Variants in MTA3 observed in about 807,000 individuals in gnomAD.
MTA3 encodes metastasis associated 1 family member 3, also known as metastasis-associated protein MTA3.
A neutral mutation model predicts 83.5 loss-of-function variants in MTA3; 34 were observed. That is an observed-to-expected ratio of 0.41 (90% CI 0.31 to 0.54). The LOEUF is 0.54. MTA3 is among the 20% of genes least tolerant of loss of function. MTA3 has a pLI of 0.33. For missense variants in MTA3, 761 were observed against 726.4 expected, an observed-to-expected ratio of 1.05 and a Z score of -0.55; for synonymous variants, 303 against 252.7, an observed-to-expected ratio of 1.20 and a Z score of -1.89.
intron 2 of MTA3, among the ~76,000 whole-genome samples, chr2:42,526,930 T>G (rs12712848): frequency 0.34 from 51,688 of 151,184 alleles, 8,876 homozygotes; most frequent in South Asian, 0.4. Flanking sequence ...GATGCTTGCC[T>G]GTAGTCCCAG....
At chr2:42,563,835 T>TTCCTTC (rs1677781461), upstream of MTA3, among the ~76,000 whole-genome samples, 3 of 87,272 alleles carry the variant, frequency 3.4e-5, no homozygotes, top group African/African-American at 9.1e-5. Context: ...TTCCTTCCTT[T>TTCCTTC]CTTTTTTGAT....
At chr2:42,588,090 AGT>A (rs553207190) in intron 3 of MTA3, among the ~76,000 whole-genome samples, 245 of 152,308 alleles carry the variant, frequency 1.6e-3, no homozygotes, top group Non-Finnish European at 2.7e-3. Context: ...TAAAACTAAA[AGT>A]GTGACATTTT....
intron 2 of MTA3, among the ~76,000 whole-genome samples, chr2:42,531,815 GGCA>G (rs1240566477): frequency 6.6e-6 from 1 of 150,798 alleles, no homozygotes; most frequent in Non-Finnish European, 1.5e-5. Context: ...GGAGTGCAGT[GGCA>G]CAATCTCGGC....
At chr2:42,734,673 G>T (rs1668486558) in intron 16 of MTA3, among the ~76,000 whole-genome samples, 1 of 151,540 alleles carries the variant, frequency 6.6e-6, no homozygotes, top group African/African-American at 2.4e-5. Flanking sequence ...TTTCTCTGGT[G>T]TTATGTTTTA....
At chr2:42,687,027 T>C (rs1692437384) in intron 9 of MTA3, among the ~76,000 whole-genome samples, 1 of 151,678 alleles carries the variant, frequency 6.6e-6, no homozygotes, top group Non-Finnish European at 1.5e-5. Flanking sequence ...CTCAGGAGGC[T>C]GAGGCATGAG....
chr2:42,739,658 G>A (rs985035292), intron 16 of MTA3, among the ~76,000 whole-genome samples: 2 of 152,278 alleles, frequency 1.3e-5, no homozygotes, highest in South Asian at 2.1e-4. Context: ...TCTTTGTGGC[G>A]TGTGATGCTC....
At chr2:42,501,499 A>G (rs899889630) in intron 2 of MTA3, among the ~76,000 whole-genome samples, 1 of 152,222 alleles carries the variant, frequency 6.6e-6, no homozygotes, top group Non-Finnish European at 1.5e-5. Flanking sequence ...TTGTCAGCCA[A>G]CCCACTCCTA....
At chr2:42,660,637 C>T (rs1003834195) in intron 8 of MTA3, among the ~76,000 whole-genome samples, 51 of 151,982 alleles carry the variant, frequency 3.4e-4, no homozygotes, top group African/African-American at 1.1e-3. Context: ...GTGATAGGCA[C>T]GGTAGGATGC....
chr2:42,707,402 C>T (rs532466072), intron 12 of MTA3, among the ~76,000 whole-genome samples: 1 of 152,062 alleles, frequency 6.6e-6, no homozygotes, highest in African/African-American at 2.4e-5. Context: ...TGCCACCATG[C>T]CTGGCTAATT....
intron 2 of MTA3, among the ~76,000 whole-genome samples, chr2:42,510,361 C>G (rs1674841440): frequency 6.6e-6 from 1 of 151,744 alleles, no homozygotes; most frequent in African/African-American, 2.4e-5. Context: ...TTAGCTGGCC[C>G]CAATCCTGGG....
intron 2 of MTA3, among the ~76,000 whole-genome samples, chr2:42,559,554 C>T (rs920001564): frequency 3.3e-5 from 5 of 151,258 alleles, no homozygotes; most frequent in African/African-American, 1.2e-4. Context: ...ATATTCAATC[C>T]TTCAGTAAGA....
chr2:42,644,388 A>AG (rs756873865), intron 6 of MTA3, 144 bp downstream of exon 6: 3 of 539,332 alleles, frequency 5.6e-6, no homozygotes, highest in Non-Finnish European at 9.7e-6. Flanking sequence ...TTTGTAAAAA[A>AG]TAAAAAATAA....
chr2:42,667,783 G>C (rs1690422433), intron 8 of MTA3, among the ~76,000 whole-genome samples: 1 of 152,018 alleles, frequency 6.6e-6, no homozygotes, highest in African/African-American at 2.4e-5. Flanking sequence ...TAGAACTACA[G>C]TCATGTGCTA....
chr2:42,544,364 C>T (rs932037619), intron 2 of MTA3, among the ~76,000 whole-genome samples: 7 of 151,230 alleles, frequency 4.6e-5, no homozygotes, highest in African/African-American at 9.7e-5. Flanking sequence ...GAGAATCGCT[C>T]GAACCCAGGA....
chr2:42,520,042 C>CA (rs1023250442), intron 2 of MTA3, among the ~76,000 whole-genome samples: 1 of 151,438 alleles, frequency 6.6e-6, no homozygotes, highest in South Asian at 2.1e-4. Flanking sequence ...GACCTTGTCT[C>CA]AAAAAAAATA....
intron 15 of MTA3, 51 bp downstream of exon 15, chr2:42,719,125 A>G (rs752580326): frequency 2.9e-5 from 39 of 1,366,290 alleles, no homozygotes; most frequent in Middle Eastern, 3.5e-4. Flanking sequence ...TCTGAATAGT[A>G]TAGATATTTG....
At chr2:42,666,789 T>C (rs1558561368) in intron 8 of MTA3, among the ~76,000 whole-genome samples, 1 of 152,216 alleles carries the variant, frequency 6.6e-6, no homozygotes, top group East Asian at 1.9e-4. Flanking sequence ...GCACCAAGCA[T>C]AGTGCCTGGC....
intron 8 of MTA3, among the ~76,000 whole-genome samples, chr2:42,664,193 T>A (rs759590881): frequency 6.6e-6 from 1 of 152,204 alleles, no homozygotes. Context: ...AACATTTAAA[T>A]ACCATGGTTT....
At chr2:42,588,935 T>C (rs1680655433) in intron 3 of MTA3, among the ~76,000 whole-genome samples, 1 of 152,150 alleles carries the variant, frequency 6.6e-6, no homozygotes. Context: ...AGGGAGGCTG[T>C]CTGTTAGGTG....
Sources: allele counts gnomAD v4.1 joint callset (sites outside exome capture counted in the v4.1 genomes callset), GRCh38; gene constraint gnomAD v4.1.1; transcripts MANE v1.5; gene names NCBI Gene and HGNC (gene_info 2026-07-23, HGNC 2026-07-21).